Variants in DLGAP2 observed in about 807,000 individuals in gnomAD.
DLGAP2 encodes the protein disks large-associated protein 2.
Under a neutral mutation model 100.3 loss-of-function variants are expected in DLGAP2, and 26 were observed. That is an observed-to-expected ratio of 0.26 (90% CI 0.19 to 0.36). DLGAP2 has a LOEUF of 0.36. DLGAP2 is among the 10% of genes least tolerant of loss of function. The pLI, the probability that DLGAP2 is intolerant of heterozygous loss-of-function variation, is 1.00. For synonymous variants in DLGAP2, 886 were observed against 630.1 expected (o/e 1.41, Z -6.08); for missense variants, 1,858 against 1,453.2 (o/e 1.28, Z -4.53).
chr8:1,275,152 T>C (rs561051327), intron 3 of DLGAP2, among the ~76,000 whole-genome samples: 1 of 152,164 alleles, frequency 6.6e-6, no homozygotes, highest in African/African-American at 2.4e-5. Context: ...CTCCCTGAGT[T>C]ACACAGAGCA....
intron 3 of DLGAP2, among the ~76,000 whole-genome samples, chr8:1,377,700 G>C (rs1795991066): frequency 6.6e-6 from 1 of 152,222 alleles, no homozygotes; most frequent in Non-Finnish European, 1.5e-5. Flanking sequence ...GTGGATCTGA[G>C]TGCAGCTCCC....
chr8:1,413,582 G>T (rs999800176), intron 3 of DLGAP2, among the ~76,000 whole-genome samples: 1 of 152,218 alleles, frequency 6.6e-6, no homozygotes, highest in African/African-American at 2.4e-5. Context: ...TTGCCTTAAA[G>T]TCCAGAAACA....
chr8:1,414,859 A>T (rs1216677472), intron 3 of DLGAP2, among the ~76,000 whole-genome samples: 1 of 152,112 alleles, frequency 6.6e-6, no homozygotes, highest in African/African-American at 2.4e-5. Flanking sequence ...AAGTACAAAA[A>T]TTAGCCAGGC....
At chr8:1,679,932 A>G (rs1798903815) in intron 12 of DLGAP2, among the ~76,000 whole-genome samples, 1 of 138,388 alleles carries the variant, frequency 7.2e-6, no homozygotes, top group Non-Finnish European at 1.5e-5. Flanking sequence ...GTGAGTCAAG[A>G]TCGTGCCATT....
chr8:1,120,843 C>T (rs559017912), intron 2 of DLGAP2, among the ~76,000 whole-genome samples: 2 of 152,236 alleles, frequency 1.3e-5, no homozygotes, highest in East Asian at 3.9e-4. Flanking sequence ...CCCATGACCA[C>T]CCATCCTTGT....
intron 3 of DLGAP2, among the ~76,000 whole-genome samples, chr8:1,488,678 G>A (rs1475300784): frequency 2.6e-5 from 4 of 152,200 alleles, no homozygotes; most frequent in Admixed American, 6.5e-5. Flanking sequence ...ATGCTGCCAC[G>A]GAGTAGTTGT....
In DLGAP2 at chr8:1,498,733, C is replaced by G. The variant is rs542577080; in HGVS notation, c.107-2633C>G. The stretch of plus-strand genomic sequence containing the variant: ...ATGTGAATGTGGTCTCTGTTTCTCT[C>G]TCAAAGCAGCTTATTTCATACCTCA... On this transcript the variant is annotated intron_variant, in intron 3 of 14. Coordinates refer to ENST00000637795, the MANE Select transcript of DLGAP2 (RefSeq NM_001346810.2). Among the ~76,000 whole-genome samples, 28 of 152,308 alleles carry G rather than the reference C, an allele frequency of 1.8e-4. No individual in the cohort carries two copies. In the South Asian group the frequency reaches 2.5e-3, roughly 14 times the overall value.
intron 1 of DLGAP2, among the ~76,000 whole-genome samples, chr8:868,393 C>CT (rs1189063753): frequency 1.3e-5 from 2 of 152,134 alleles, no homozygotes; most frequent in African/African-American, 4.8e-5. Context: ...AGAGGTTTAT[C>CT]TACAGAAAAA....
chr8:1,138,881 G>A (rs1181173960), intron 2 of DLGAP2, among the ~76,000 whole-genome samples: 1 of 151,544 alleles, frequency 6.6e-6, no homozygotes, highest in African/African-American at 2.4e-5. Flanking sequence ...TACTAGTCCT[G>A]GCCTGTGCGG....
chr8:1,445,713 A>G lies in DLGAP2; in HGVS notation c.107-55653A>G, dbSNP rs555794802. On this transcript the variant is annotated intron_variant, in intron 3 of 14. Coordinates refer to ENST00000637795, the MANE Select transcript of DLGAP2 (RefSeq NM_001346810.2). Reference sequence around the variant, plus strand: ...TAATTTACAGTCCCACTAACAGTGTAAAAGTGTTCCTATTTCTCCACATCC... The same window carrying G: ...TAATTTACAGTCCCACTAACAGTGTGAAAGTGTTCCTATTTCTCCACATCC... Among the ~76,000 whole-genome samples, 7 of 152,292 alleles carry G rather than the reference A, an allele frequency of 4.6e-5. No homozygotes were observed. In the East Asian group the frequency reaches 1.4e-3, roughly 29 times the overall value.
intron 3 of DLGAP2, among the ~76,000 whole-genome samples, chr8:1,391,553 C>T (rs1035476292): frequency 6.6e-6 from 1 of 152,148 alleles, no homozygotes; most frequent in Non-Finnish European, 1.5e-5. Context: ...TCAGTTGGAG[C>T]GCTACCAGCA....
chr8:1,169,340 G>A (rs1163488479), intron 2 of DLGAP2, among the ~76,000 whole-genome samples: 1 of 152,186 alleles, frequency 6.6e-6, no homozygotes, highest in East Asian at 1.9e-4. Flanking sequence ...TGTTCTTTTG[G>A]CTTAGGATTG....
At chr8:1,372,017 G>A (rs1056970941) in intron 3 of DLGAP2, among the ~76,000 whole-genome samples, 8 of 152,224 alleles carry the variant, frequency 5.3e-5, no homozygotes, top group African/African-American at 1.7e-4. Flanking sequence ...CAACTTAGTG[G>A]TGCAGCCTGC....
At chr8:875,121 T>C (rs1797665486) in intron 1 of DLGAP2, among the ~76,000 whole-genome samples, 1 of 152,246 alleles carries the variant, frequency 6.6e-6, no homozygotes, top group Non-Finnish European at 1.5e-5. Context: ...TTACTTTCAA[T>C]CTATTTGTAT....
chr8:1,683,392 CAGCA>C (rs1799009473), intron 12 of DLGAP2, among the ~76,000 whole-genome samples: 1 of 151,494 alleles, frequency 6.6e-6, no homozygotes, highest in African/African-American at 2.4e-5. Context: ...ATCTTCATGT[CAGCA>C]CTGCCCTTCA....
chr8:1,160,829 C>T (rs932854299), intron 2 of DLGAP2, among the ~76,000 whole-genome samples: 24 of 152,334 alleles, frequency 1.6e-4, no homozygotes, highest in Non-Finnish European at 3.2e-4. Flanking sequence ...AAGACCAGCA[C>T]GCGATTCCGC....
chr8:1,302,933 C>G (rs187453498), intron 3 of DLGAP2, among the ~76,000 whole-genome samples: 1 of 152,208 alleles, frequency 6.6e-6, no homozygotes, highest in Admixed American at 6.5e-5. Flanking sequence ...TTGGTAGATT[C>G]AGTAAAACAT....
At chr8:1,373,516 G>T (rs1200200296) in intron 3 of DLGAP2, among the ~76,000 whole-genome samples, 1 of 152,228 alleles carries the variant, frequency 6.6e-6, no homozygotes, top group Admixed American at 6.5e-5. Flanking sequence ...CCACAAAGAG[G>T]GCAGTGGGCA....
chr8:896,190 C>A, intron 1 of DLGAP2, among the ~76,000 whole-genome samples: 1 of 100,392 alleles, frequency 1.0e-5, no homozygotes, highest in Non-Finnish European at 2.0e-5. Flanking sequence ...TGAGAGGTGT[C>A]AATCCCCAGG....
Sources: allele counts gnomAD v4.1 joint callset (sites outside exome capture counted in the v4.1 genomes callset), GRCh38; gene constraint gnomAD v4.1.1; transcripts MANE v1.5; gene names NCBI Gene and HGNC (gene_info 2026-07-23, HGNC 2026-07-21).